DPYD: variants seen among roughly 807,000 people sequenced by gnomAD.
The protein encoded by DPYD is dihydropyrimidine dehydrogenase [NADP(+)].
Under a neutral mutation model 116.2 loss-of-function variants are expected in DPYD, and 109 were observed. The ratio of observed to expected loss-of-function variants is 0.94; its 90% confidence interval spans 0.80 to 1.10. The LOEUF is 1.10. Ranked by LOEUF, DPYD falls within the 50% of genes least tolerant of loss-of-function variation. DPYD has a pLI of 0.00. For missense variants in DPYD, 1,302 were observed against 1,254.5 expected (o/e 1.04, Z -0.57); for synonymous variants, 440 against 432.0 (o/e 1.02, Z -0.23).
At chr1:97,303,999 G>A (rs1433610527) in intron 18 of DPYD, among the ~76,000 whole-genome samples, 2 of 152,018 alleles carry the variant, frequency 1.3e-5, no homozygotes, top group African/African-American at 4.8e-5. Flanking sequence ...TTATTAGACT[G>A]AGTTATAGTA....
intron 13 of DPYD, among the ~76,000 whole-genome samples, chr1:97,467,997 C>G (rs1677425434): frequency 6.6e-6 from 1 of 152,064 alleles, no homozygotes; most frequent in Admixed American, 6.6e-5. Flanking sequence ...TGACAAACTC[C>G]TATGGTAAAG....
chr1:97,527,204 G>C (rs552422112), intron 12 of DPYD, among the ~76,000 whole-genome samples: 2 of 151,846 alleles, frequency 1.3e-5, no homozygotes, highest in East Asian at 3.9e-4. Context: ...TCAGCCTCTC[G>C]AGTAGCTGGG....
chr1:97,872,658 T>C (rs1239237350), intron 2 of DPYD, among the ~76,000 whole-genome samples: 2 of 151,972 alleles, frequency 1.3e-5, no homozygotes, highest in South Asian at 2.1e-4. Context: ...GATACTAATA[T>C]ATATCAAAAC....
intron 3 of DPYD, among the ~76,000 whole-genome samples, chr1:97,779,413 A>C (rs1374450662): frequency 6.6e-6 from 1 of 152,052 alleles, no homozygotes; most frequent in Non-Finnish European, 1.5e-5. Context: ...TGTAAACATA[A>C]ATACACTAGT....
intron 3 of DPYD, among the ~76,000 whole-genome samples, chr1:97,777,826 C>T (rs74918091): frequency 0.017 from 2,535 of 151,920 alleles, 69 homozygotes; most frequent in African/African-American, 0.058. Flanking sequence ...CAAATAAATG[C>T]GACAACCCTC....
intron 3 of DPYD, among the ~76,000 whole-genome samples, chr1:97,825,968 T>A (rs1375290103): frequency 1.3e-5 from 2 of 152,162 alleles, no homozygotes; most frequent in Non-Finnish European, 2.9e-5. Context: ...AATTGTTGTA[T>A]GCTATTAATT....
chr1:97,494,305 T>G (rs1225354842), intron 13 of DPYD, among the ~76,000 whole-genome samples: 1 of 151,920 alleles, frequency 6.6e-6, no homozygotes, highest in East Asian at 1.9e-4. Context: ...CAAGTGATCT[T>G]TCCATCTTAG....
chr1:97,161,014 T>G (rs1324638687), intron 20 of DPYD, among the ~76,000 whole-genome samples: 1 of 152,150 alleles, frequency 6.6e-6, no homozygotes, highest in Non-Finnish European at 1.5e-5. Context: ...CAAAGCCTGC[T>G]TAATTTTGAG....
intron 3 of DPYD, among the ~76,000 whole-genome samples, chr1:97,806,967 C>T (rs1305760084): frequency 6.6e-6 from 1 of 151,942 alleles, no homozygotes; most frequent in Admixed American, 6.6e-5. Flanking sequence ...TTTAACTGTA[C>T]TCCATGTCTT....
chr1:97,413,947 T>C (rs1674150477), intron 14 of DPYD, among the ~76,000 whole-genome samples: 1 of 152,160 alleles, frequency 6.6e-6, no homozygotes, highest in African/African-American at 2.4e-5. Context: ...CACCAAATTA[T>C]ATATAAATAA....
chr1:97,700,059 A>G (rs1465443240), intron 5 of DPYD: 7 of 348,020 alleles, frequency 2.0e-5, no homozygotes, highest in Non-Finnish European at 3.4e-5. Context: ...ATAATGATTT[A>G]AAAAAATAGT....
intron 20 of DPYD, among the ~76,000 whole-genome samples, chr1:97,155,657 A>G (rs1655393008): frequency 6.6e-6 from 1 of 152,166 alleles, no homozygotes; most frequent in African/African-American, 2.4e-5. Flanking sequence ...ACAGATTCAT[A>G]TCTTACATTT....
At chr1:97,828,892 C>G (rs1170720053) in intron 2 of DPYD, among the ~76,000 whole-genome samples, 4 of 151,844 alleles carry the variant, frequency 2.6e-5, no homozygotes. Flanking sequence ...AGTGTTTCTA[C>G]TTTTTGGTAA....
chr1:97,418,204 A>C (rs1442963427), intron 14 of DPYD, among the ~76,000 whole-genome samples: 1 of 152,068 alleles, frequency 6.6e-6, no homozygotes, highest in Non-Finnish European at 1.5e-5. Context: ...TAATGTATTT[A>C]TTTCCACTAC....
chr1:97,667,123 C>A (rs1434181701), intron 8 of DPYD, among the ~76,000 whole-genome samples: 1 of 152,036 alleles, frequency 6.6e-6, no homozygotes, highest in Non-Finnish European at 1.5e-5. Context: ...GACCATACAG[C>A]CCACAACATA....
chr1:97,434,744 T>A (rs1675377450), intron 14 of DPYD, among the ~76,000 whole-genome samples: 1 of 152,114 alleles, frequency 6.6e-6, no homozygotes. Flanking sequence ...TTATTGTGCG[T>A]AAGTATATAT....
intron 12 of DPYD, among the ~76,000 whole-genome samples, chr1:97,519,884 C>CTTT (rs1369097934): frequency 6.6e-6 from 1 of 152,136 alleles, no homozygotes; most frequent in Non-Finnish European, 1.5e-5. Flanking sequence ...ATTACCCATT[C>CTTT]TAAAGTCCTT....
chr1:97,198,984 A>T (rs775952584), intron 19 of DPYD, among the ~76,000 whole-genome samples: 1 of 152,246 alleles, frequency 6.6e-6, no homozygotes, highest in South Asian at 2.1e-4. Context: ...CAGTGCCCTG[A>T]ATTTTTACTT....
intron 3 of DPYD, among the ~76,000 whole-genome samples, chr1:97,767,070 T>C (rs1259471155): frequency 6.6e-6 from 1 of 152,218 alleles, no homozygotes; most frequent in African/African-American, 2.4e-5. Flanking sequence ...TCTAGCATGA[T>C]TTCAGAATTA....
Sources: allele counts gnomAD v4.1 joint callset (sites outside exome capture counted in the v4.1 genomes callset), GRCh38; gene constraint gnomAD v4.1.1; transcripts MANE v1.5; gene names NCBI Gene and HGNC (gene_info 2026-07-23, HGNC 2026-07-21).